Variants in CAMTA1 observed in about 807,000 individuals in gnomAD.
CAMTA1 encodes calmodulin binding transcription activator 1, also known as calmodulin-binding transcription activator 1.
Under a neutral mutation model 170.9 loss-of-function variants are expected in CAMTA1, and 27 were observed. That is an observed-to-expected ratio of 0.16 (90% CI 0.12 to 0.22). The LOEUF (loss-of-function observed/expected upper bound fraction) is 0.22, where lower values mean the gene tolerates loss of function less well. Among genes scored for constraint, CAMTA1 ranks in the 10% least tolerant of loss-of-function variants. The pLI is 1.00. For missense variants in CAMTA1, 1,619 were observed against 2,217.2 expected (o/e 0.73, Z 5.42); for synonymous variants, 833 against 891.5 (o/e 0.93, Z 1.17).
intron 11 of CAMTA1, among the ~76,000 whole-genome samples, chr1:7,699,233 C>A (rs2149482661): frequency 1.3e-5 from 2 of 152,208 alleles, no homozygotes; most frequent in Middle Eastern, 3.4e-3. Context: ...CATTTTCATC[C>A]CCCAAGAAAC....
At chr1:7,361,512 C>T (rs2085531236) in intron 5 of CAMTA1, among the ~76,000 whole-genome samples, 1 of 152,196 alleles carries the variant, frequency 6.6e-6, no homozygotes, top group Admixed American at 6.5e-5. Flanking sequence ...CATCCTCTTC[C>T]TTCAGGGACT....
chr1:7,013,185 C>T (rs979388413), intron 3 of CAMTA1, among the ~76,000 whole-genome samples: 2 of 150,254 alleles, frequency 1.3e-5, no homozygotes, highest in Non-Finnish European at 3.0e-5. Context: ...CTACCATTCT[C>T]CAGGCCCTGC....
chr1:7,211,121 G>A (rs1658672732), intron 4 of CAMTA1, among the ~76,000 whole-genome samples: 1 of 152,090 alleles, frequency 6.6e-6, no homozygotes, highest in African/African-American at 2.4e-5. Context: ...TATCCACCCA[G>A]CAATGCATCT....
intron 5 of CAMTA1, among the ~76,000 whole-genome samples, chr1:7,282,854 G>A (rs1172845315): frequency 6.6e-6 from 1 of 152,094 alleles, no homozygotes; most frequent in Non-Finnish European, 1.5e-5. Flanking sequence ...CAGGAAAGCT[G>A]CAGTCCTAAC....
chr1:6,904,105 A>G (rs1677735665), intron 3 of CAMTA1, among the ~76,000 whole-genome samples: 2 of 151,930 alleles, frequency 1.3e-5, no homozygotes, highest in South Asian at 4.2e-4. Context: ...CCCTGGTACT[A>G]TTTTCTCTCT....
intron 22 of CAMTA1, among the ~76,000 whole-genome samples, chr1:7,765,436 T>C (rs994718644): frequency 6.6e-6 from 1 of 152,236 alleles, no homozygotes; most frequent in Non-Finnish European, 1.5e-5. Flanking sequence ...TTTCCATGAC[T>C]CAGTCTATAA....
chr1:6,992,783 G>A (rs1035289637), intron 3 of CAMTA1, among the ~76,000 whole-genome samples: 2 of 152,134 alleles, frequency 1.3e-5, no homozygotes, highest in Non-Finnish European at 2.9e-5. Flanking sequence ...GGGGAAATGC[G>A]TTGCCATGAT....
chr1:7,062,820 G>A (rs1708435913), intron 3 of CAMTA1, among the ~76,000 whole-genome samples: 1 of 152,190 alleles, frequency 6.6e-6, no homozygotes, highest in Non-Finnish European at 1.5e-5. Context: ...GCCCCTCCTA[G>A]CGTCTGCTAT....
chr1:6,962,277 A>C (rs2149526332), intron 3 of CAMTA1, among the ~76,000 whole-genome samples: 1 of 152,038 alleles, frequency 6.6e-6, no homozygotes, highest in African/African-American at 2.4e-5. Context: ...TACTCCCCCC[A>C]GGTCAGCTGG....
intron 5 of CAMTA1, among the ~76,000 whole-genome samples, chr1:7,452,078 C>A (rs2092838640): frequency 6.6e-6 from 1 of 152,228 alleles, no homozygotes; most frequent in Non-Finnish European, 1.5e-5. Context: ...GCTAACCCCC[C>A]TCTAAACTGG....
rs538079225 is a variant in CAMTA1 at position 7,113,470 on chromosome 1, T to G, written c.302+22099T>G. Reference sequence around the variant, plus strand: ...GGAGAGAAGGATCTAGGGGCCAGAGTGGCTCCCGGTCAGTGTCTAGGAATG... The same window carrying G: ...GGAGAGAAGGATCTAGGGGCCAGAGGGGCTCCCGGTCAGTGTCTAGGAATG... On this transcript the variant is annotated intron_variant, in intron 4 of 22. Coordinates refer to ENST00000303635, the MANE Select transcript of CAMTA1 (RefSeq NM_015215.4). The surrounding 1 kb of genome is among the most constrained non-coding windows in gnomAD (Gnocchi z 4.5). 6.6e-6 allele frequency among the ~76,000 whole-genome samples: 1 copy of G among 152,180 alleles called. No individual in the cohort carries two copies. Among genetic ancestry groups the G allele is most frequent in the Admixed American group, 6.5e-5 (1 of 15,282 alleles).
intron 6 of CAMTA1, among the ~76,000 whole-genome samples, chr1:7,474,785 C>T (rs1054299344): frequency 6.6e-6 from 1 of 152,250 alleles, no homozygotes; most frequent in African/African-American, 2.4e-5. Context: ...GTCCCTTAGC[C>T]ACCCAAGAGA....
At chr1:7,307,427 A>T (rs754513208) in intron 5 of CAMTA1, among the ~76,000 whole-genome samples, 3 of 151,776 alleles carry the variant, frequency 2.0e-5, no homozygotes, top group Non-Finnish European at 4.4e-5. Flanking sequence ...TCCAATTTAC[A>T]GGCTTTTATT....
chr1:7,009,546 C>T (rs531792861), intron 3 of CAMTA1, among the ~76,000 whole-genome samples: 1 of 152,324 alleles, frequency 6.6e-6, no homozygotes, highest in African/African-American at 2.4e-5. Flanking sequence ...GCCAGGTGCC[C>T]TGTGTTGCCG....
intron 4 of CAMTA1, among the ~76,000 whole-genome samples, chr1:7,219,039 T>A (rs889567684): frequency 5.3e-5 from 8 of 152,216 alleles, no homozygotes; most frequent in Non-Finnish European, 1.2e-4. Context: ...AAGCCTGTTA[T>A]GAACACCATC....
chr1:7,296,729 GC>G (rs1305023012), intron 5 of CAMTA1, among the ~76,000 whole-genome samples: 1 of 151,996 alleles, frequency 6.6e-6, no homozygotes, highest in Non-Finnish European at 1.5e-5. Flanking sequence ...ATGTCAAGTG[GC>G]CCATTGAATA....
chr1:6,821,217 T>A (rs1278344470), intron 2 of CAMTA1, among the ~76,000 whole-genome samples: 1 of 152,236 alleles, frequency 6.6e-6, no homozygotes, highest in East Asian at 1.9e-4. Flanking sequence ...TTTTGTAGAA[T>A]TACTACTGGG....
chr1:6,874,617 A>G (rs1172743401), intron 3 of CAMTA1, among the ~76,000 whole-genome samples: 1 of 152,216 alleles, frequency 6.6e-6, no homozygotes, highest in Non-Finnish European at 1.5e-5. Flanking sequence ...GGAACCGAAT[A>G]GTTTATGGTA....
intron 4 of CAMTA1, among the ~76,000 whole-genome samples, chr1:7,167,621 T>C (rs1294909512): frequency 6.6e-6 from 1 of 152,182 alleles, no homozygotes; most frequent in South Asian, 2.1e-4. Context: ...TTACGGAAGA[T>C]AATCTTGTCA....
Sources: gnomAD v4.1 joint callset for allele counts (sites outside exome capture counted in the v4.1 genomes callset) on GRCh38, gnomAD v4.1.1 for gene constraint, Gnocchi (gnomAD v3.1) non-coding constraint, MANE v1.5 for transcripts, NCBI Gene and HGNC (gene_info 2026-07-23, HGNC 2026-07-21) for gene names.